ZNF143: variants seen among roughly 807,000 people sequenced by gnomAD.
ZNF143 encodes zinc finger protein 143.
In ZNF143, 49 loss-of-function variants were observed where a neutral mutation model predicts 74.1. The observed-to-expected ratio is 0.66, with a 90% CI of 0.53 to 0.84. The LOEUF (loss-of-function observed/expected upper bound fraction) is 0.84, where lower values mean the gene tolerates loss of function less well. ZNF143 is among the 40% of genes least tolerant of loss of function. The probability of loss-of-function intolerance (pLI) is 0.00; values close to 1 mark genes in which losing one functional copy is unlikely to be tolerated. For synonymous variants in ZNF143, 304 were observed against 282.8 expected (o/e 1.07, Z -0.75); for missense variants, 637 against 793.4 (o/e 0.80, Z 2.37).
rs1371535821 is a variant in ZNF143 at position 9,486,389 on chromosome 11, TATATATA to T, written c.645+6850_645+6856del. 6.1e-3 allele frequency among the ~76,000 whole-genome samples: 114 copies of T among 18,554 alleles called. 7 individuals are homozygous for T. The highest frequency in any genetic ancestry group is 0.015 in the African/African-American group (68 of 4,508). 12.2% of individuals were successfully genotyped at this position (18,554 alleles called of 152,430 possible). On this transcript the variant is annotated intron_variant, in intron 7 of 15. Coordinates refer to ENST00000396602, the MANE Select transcript of ZNF143 (RefSeq NM_003442.6). Reference sequence around the variant, plus strand: ...TATATATAATATATTATATATATAATATATATAATATATTATATATATAATATATATT... The same window carrying T: ...TATATATAATATATTATATATATAATATATATTATATATATAATATATATT...
intron 1 of ZNF143, among the ~76,000 whole-genome samples, chr11:9,465,225 C>T (rs1364964507): frequency 1.3e-5 from 2 of 152,084 alleles, no homozygotes; most frequent in African/African-American, 4.8e-5. Context: ...CTTACTCTGT[C>T]ACCCAGGCTG....
chr11:9,509,772 A>G (rs1322085447), intron 12 of ZNF143, among the ~76,000 whole-genome samples: 1 of 152,188 alleles, frequency 6.6e-6, no homozygotes, highest in Non-Finnish European at 1.5e-5. Flanking sequence ...TAGCAATTCC[A>G]TCAGTCTTCA....
At chr11:9,475,971 C>G (rs767985522) in intron 5 of ZNF143, among the ~76,000 whole-genome samples, 27 of 145,946 alleles carry the variant, frequency 1.8e-4, no homozygotes, top group African/African-American at 6.9e-4. Flanking sequence ...ATTTTTAAAG[C>G]AAGGTCCTTT....
At chr11:9,509,201 G>T (rs897185242) in intron 12 of ZNF143, among the ~76,000 whole-genome samples, 1 of 152,196 alleles carries the variant, frequency 6.6e-6, no homozygotes, top group African/African-American at 2.4e-5. Context: ...AGGTTGGAGA[G>T]ACCAAAGTAA....
At chr11:9,494,091 T>G (rs1250262841) in intron 7 of ZNF143, among the ~76,000 whole-genome samples, 2 of 152,164 alleles carry the variant, frequency 1.3e-5, no homozygotes, top group East Asian at 3.8e-4. Context: ...AGAGTAGGAA[T>G]AGATCTGTGA....
rs897152809 is a variant in ZNF143, at chr11:9,508,758, C to G, written c.1287C>G (p.Ile429Met). 1.9e-6 allele frequency: 3 copies of G among 1,613,272 alleles called. No homozygotes were observed. The highest frequency in any genetic ancestry group is 2.5e-6 in the Non-Finnish European group (3 of 1,179,600). Residue 429 changes from isoleucine (I) to methionine (M), a missense_variant, in exon 12 of 16, where the codon ATC becomes ATG. This residue lies in a region of ZNF143 where 344 missense variants were observed against 485.6 expected (regional missense o/e 0.71). Coordinates refer to ENST00000396602, the MANE Select transcript of ZNF143 (RefSeq NM_003442.6). ...CNHCGKTYKQ[I>M]STLAMHKRTA... ...ACTGTGGGAAGACATACAAGCAGAT[C>G]TCCACGCTGGCCATGCACAAACGGA...
At chr11:9,486,396 A>ATATAATTATATATAT (rs1245802133) in intron 7 of ZNF143, among the ~76,000 whole-genome samples, 452 of 11,842 alleles carry the variant, frequency 0.038, 26 homozygotes, top group Non-Finnish European at 0.066. Context: ...TAATATATAT[A>ATATAATTATATATAT]ATATATTATA....
intron 11 of ZNF143, 52 bp downstream of exon 11, chr11:9,501,322 C>T (rs948184872): frequency 1.3e-6 from 2 of 1,576,502 alleles, no homozygotes; most frequent in African/African-American, 1.4e-5. Context: ...CAGTTTAACT[C>T]CTGCCTTTTC....
chr11:9,469,312 A>G (rs1052169932), intron 1 of ZNF143, among the ~76,000 whole-genome samples: 1 of 135,832 alleles, frequency 7.4e-6, no homozygotes, highest in Non-Finnish European at 1.5e-5. Flanking sequence ...GCTCACTGCA[A>G]CCTCCACCTC....
At position 9,471,327 on chromosome 11, in the gene ZNF143, A is replaced by G; in HGVS notation, c.19A>G (p.Asn7Asp). 6.2e-7 allele frequency: 1 copy of G among 1,612,024 alleles called. No homozygotes were observed. Among genetic ancestry groups the G allele is most frequent in the Non-Finnish European group, 8.5e-7 (1 of 1,179,324 alleles). Residue 7 changes from asparagine (N) to aspartate (D), a missense_variant, in exon 2 of 16, where the codon AAT becomes GAT. Asn to Asp is a conservative substitution (Grantham distance 23, BLOSUM62 1). This residue lies in a region of ZNF143 where 293 missense variants were observed against 307.8 expected (regional missense o/e 0.95). Coordinates refer to ENST00000396602, the MANE Select transcript of ZNF143 (RefSeq NM_003442.6). The part of the protein sequence containing the change: MLLAQI[N>D]RDSQGMTEFP... The stretch of plus-strand genomic sequence containing the variant: ...GTAGAAGATGTTGTTAGCCCAAATA[A>G]ATCGAGATTCTCAGGGAATGACAGA...
chr11:9,521,554 T>G (rs558537208), intron 14 of ZNF143, among the ~76,000 whole-genome samples: 1 of 152,014 alleles, frequency 6.6e-6, no homozygotes, highest in East Asian at 1.9e-4. Flanking sequence ...GTTTTCTTTT[T>G]GCGGAGGTTT....
At chr11:9,474,200 A>G (rs570661037) in intron 4 of ZNF143, among the ~76,000 whole-genome samples, 176 bp downstream of exon 4, 1 of 152,344 alleles carries the variant, frequency 6.6e-6, no homozygotes, top group East Asian at 1.9e-4. Context: ...CGTAAAGATA[A>G]TGGAAAAGAA....
chr11:9,492,648 T>TTAA (rs1255947660), intron 7 of ZNF143, among the ~76,000 whole-genome samples: 1 of 152,168 alleles, frequency 6.6e-6, no homozygotes, highest in Non-Finnish European at 1.5e-5. Flanking sequence ...TTTTAGAACT[T>TTAA]TAAAAATACC....
At chr11:9,486,376 A>ATATAATATATT (rs1565038724) in intron 7 of ZNF143, among the ~76,000 whole-genome samples, 1 of 39,000 alleles carries the variant, frequency 2.6e-5, no homozygotes, top group Non-Finnish European at 4.7e-5. Flanking sequence ...TATATAATAT[A>ATATAATATATT]TTATATATAT....
At chr11:9,522,191 TAAAC>T (rs1047122485) in intron 14 of ZNF143, among the ~76,000 whole-genome samples, 20 of 151,878 alleles carry the variant, frequency 1.3e-4, no homozygotes, top group African/African-American at 4.8e-4. Flanking sequence ...TAAGAAAAAT[TAAAC>T]AAAAAAAGTA....
At chr11:9,514,123 C>T (rs1036002614) in intron 13 of ZNF143, among the ~76,000 whole-genome samples, 1 of 152,146 alleles carries the variant, frequency 6.6e-6, no homozygotes, top group Non-Finnish European at 1.5e-5. Context: ...GTCTTGAACT[C>T]CTGGCCTCAG....
intron 7 of ZNF143, among the ~76,000 whole-genome samples, chr11:9,489,968 G>A (rs1457655107): frequency 6.6e-6 from 1 of 151,900 alleles, no homozygotes; most frequent in Non-Finnish European, 1.5e-5. Context: ...ATTGCTTGAG[G>A]CCAGGAATTC....
At chr11:9,486,948 G>A (rs1490860743) in intron 7 of ZNF143, among the ~76,000 whole-genome samples, 5 of 146,628 alleles carry the variant, frequency 3.4e-5, no homozygotes, top group East Asian at 2.0e-4. Context: ...GATTACAGGC[G>A]TGAGCCACTG....
At chr11:9,478,027 C>T (rs10770034) in intron 5 of ZNF143, among the ~76,000 whole-genome samples, 55,157 of 152,018 alleles carry the variant, frequency 0.36, 10,788 homozygotes, top group Middle Eastern at 0.45. Flanking sequence ...GGTGTTTCAC[C>T]GTGTTAGCCA....
Sources: gnomAD v4.1 joint callset for allele counts (sites outside exome capture counted in the v4.1 genomes callset) on GRCh38, gnomAD v4.1.1 for gene constraint, gnomAD v4.1.1 regional missense constraint, MANE v1.5 for transcripts, NCBI Gene and HGNC (gene_info 2026-07-23, HGNC 2026-07-21) for gene names.